The following EARS2 variants were observed in gnomAD, a reference collection of about 807,000 sequenced individuals.
EARS2 encodes the protein nondiscriminating glutamyl-tRNA synthetase EARS2, mitochondrial.
A neutral mutation model predicts 54.1 loss-of-function variants in EARS2; 50 were observed. That is an observed-to-expected ratio of 0.92 (90% confidence interval 0.74 to 1.17). The LOEUF is 1.17. Ranked by LOEUF, EARS2 falls within the 50% of genes most tolerant of loss-of-function variation. The pLI is 0.00. For synonymous variants in EARS2, 298 were observed against 281.0 expected (o/e 1.06, Z -0.61); for missense variants, 673 against 675.0 (o/e 1.00, Z 0.03).
At chr16:23,535,988 G>A (rs1965411324) in intron 3 of EARS2, among the ~76,000 whole-genome samples, 1 of 152,176 alleles carries the variant, frequency 6.6e-6, no homozygotes, top group African/African-American at 2.4e-5. Context: ...TCATCCTGGA[G>A]TCACCCACCT....
At position 23,521,178 on chromosome 16, in the gene EARS2, C is replaced by T. The variant is rs951104160; in HGVS notation, c.*3193G>A. Among the ~76,000 whole-genome samples, 8 of 152,082 alleles carry T rather than the reference C, an allele frequency of 5.3e-5. No individual in the cohort carries two copies. Among genetic ancestry groups the T allele is most frequent in the South Asian group, 2.1e-4 (1 of 4,808 alleles). On this transcript the variant is annotated 3_prime_UTR_variant, in exon 9 of 9. Coordinates refer to ENST00000449606, the MANE Select transcript of EARS2 (RefSeq NM_001083614.2). ...AGTCATTTTTAAATATACAGTTCAG[C>T]GGCATTACGTATCTTTATAATGTTG...
Position 23,521,662 on chromosome 16 carries a change from A to G in EARS2, c.*2709T>C. On this transcript the variant is annotated 3_prime_UTR_variant, in exon 9 of 9. Transcript: ENST00000449606. ...CAAGCCTACCACCTTTGCCTCACAA[A>G]GCATTAGGACGTATTTGTCCTTTTG... 1 of 445,872 alleles carries G rather than the reference A, an allele frequency of 2.2e-6. No individual in the cohort carries two copies. The highest frequency in any genetic ancestry group is 1.6e-5 in the South Asian group (1 of 63,840). 27.6% of individuals were successfully genotyped at this position (445,872 alleles called of 1,614,324 possible).
In EARS2 at chr16:23,524,271, A is replaced by C; in HGVS notation, c.*100T>G. The C allele has an allele frequency of 1.0e-6, 1 of 997,958 alleles. No homozygotes were observed. Among genetic ancestry groups the C allele is most frequent in the Non-Finnish European group, 1.6e-6 (1 of 629,038 alleles). 61.8% of individuals were successfully genotyped at this position (997,958 alleles called of 1,614,324 possible). On this transcript the variant is annotated 3_prime_UTR_variant, in exon 9 of 9. Coordinates refer to ENST00000449606, the MANE Select transcript of EARS2 (RefSeq NM_001083614.2). ...TGTTTCCACTCTTAGTTCCTTCAGC[A>C]AACTTCCCGACGGGCCCCAGGCCTC... is the stretch of plus-strand genomic sequence containing the variant.
Position 23,521,823 on chromosome 16 carries a change from C to A in EARS2, c.*2548G>T. On this transcript the variant is annotated 3_prime_UTR_variant, in exon 9 of 9. Transcript: ENST00000449606. ...CATGAGCCAAGAAGCTCCTTTTAAC[C>A]ATTCTTAATGTCTTAGAAACAGATG... The A allele has an allele frequency of 2.2e-6, 1 of 455,988 alleles. No individual in the cohort carries two copies. The highest frequency in any genetic ancestry group is 1.5e-5 in the South Asian group (1 of 64,546). The allele number at this position is 455,988 out of a possible 1,614,324, so 28.2% of individuals were successfully genotyped here. A position where few individuals can be genotyped will look rare whatever the true frequency, so the allele number is the denominator to read the frequency against.
chr16:23,557,020 T>G (rs1176208328), intron 1 of EARS2, 185 bp downstream of exon 1: 1 of 916,042 alleles, frequency 1.1e-6, no homozygotes, highest in African/African-American at 1.7e-5. Context: ...AAGAAACTCC[T>G]GGCAATTTGA....
chr16:23,535,409 G>T, intron 3 of EARS2, 49 bp from the exon 4 acceptor site: 1 of 1,537,166 alleles, frequency 6.5e-7, no homozygotes, highest in South Asian at 1.2e-5. Flanking sequence ...AAGGTTGATG[G>T]ACAGGAGTCC....
intron 1 of EARS2, chr16:23,552,942 C>A (rs533607441): frequency 1.0e-4 from 25 of 240,672 alleles, no homozygotes; most frequent in African/African-American, 5.2e-4. Flanking sequence ...TGAGATCTGC[C>A]TGGGCAACAT....
At chr16:23,536,210 A>G (rs1965415057) in intron 3 of EARS2, among the ~76,000 whole-genome samples, 1 of 152,170 alleles carries the variant, frequency 6.6e-6, no homozygotes, top group South Asian at 2.1e-4. Flanking sequence ...TGTCCCTTCT[A>G]ACAGGGTATT....
intron 7 of EARS2, among the ~76,000 whole-genome samples, chr16:23,527,247 C>T (rs927481573): frequency 6.6e-6 from 1 of 152,142 alleles, no homozygotes; most frequent in Non-Finnish European, 1.5e-5. Context: ...ATTACAGGTA[C>T]AAGCCACAGT....
chr16:23,531,589 G>A (rs951712218), intron 5 of EARS2, among the ~76,000 whole-genome samples: 1 of 152,126 alleles, frequency 6.6e-6, no homozygotes, highest in Non-Finnish European at 1.5e-5. Context: ...ACCTCTCTAT[G>A]TCCTGGGTTC....
chr16:23,539,791 T>A (rs1965483209), intron 3 of EARS2, among the ~76,000 whole-genome samples: 1 of 151,850 alleles, frequency 6.6e-6, no homozygotes, highest in Non-Finnish European at 1.5e-5. Flanking sequence ...GGTGGGAAGA[T>A]CGCTTGAGTT....
rs1965188967 is a variant in EARS2 at position 23,524,367 on chromosome 16, C to G, written c.*4G>C. 3 of 1,613,504 alleles carry G rather than the reference C, an allele frequency of 1.9e-6. No individual in the cohort carries two copies. Among genetic ancestry groups the G allele is most frequent in the African/African-American group, 2.7e-5 (2 of 74,918 alleles). On this transcript the variant is annotated 3_prime_UTR_variant, in exon 9 of 9. Coordinates refer to ENST00000449606, the MANE Select transcript of EARS2 (RefSeq NM_001083614.2). The stretch of plus-strand genomic sequence containing the variant: ...CGATCTCCACTGCCCGAAACATCCT[C>G]TCCCTAGCTGGAAACCACCTTCTGG...
At chr16:23,553,539 C>T (rs1291705389) in intron 1 of EARS2, among the ~76,000 whole-genome samples, 1 of 151,858 alleles carries the variant, frequency 6.6e-6, no homozygotes, top group African/African-American at 2.4e-5. Flanking sequence ...CGAGGATCAC[C>T]TGGGTCTCTA....
chr16:23,524,228 T>G lies in EARS2; in HGVS notation c.*143A>C. ...TGCCTGTGGTGGATCACAAATGCAC[T>G]TGTGTGCAGTCAGAGATTGTTTCCA... On this transcript the variant is annotated 3_prime_UTR_variant, in exon 9 of 9. Transcript: ENST00000449606. 1 of 743,114 alleles carries G rather than the reference T, an allele frequency of 1.3e-6. No individual in the cohort carries two copies. The highest frequency in any genetic ancestry group is 2.4e-6 in the Non-Finnish European group (1 of 423,882). The allele number at this position is 743,114 out of a possible 1,614,324, so 46.0% of individuals were successfully genotyped here.
At chr16:23,553,896 CA>C (rs546658609) in intron 1 of EARS2, among the ~76,000 whole-genome samples, 271 of 110,196 alleles carry the variant, frequency 2.5e-3, no homozygotes, top group Middle Eastern at 5.3e-3. Context: ...ACTCCATCTC[CA>C]AAAAAAAAAA....
At chr16:23,537,832 C>T (rs1965448530) in intron 3 of EARS2, among the ~76,000 whole-genome samples, 2 of 147,978 alleles carry the variant, frequency 1.4e-5, no homozygotes, top group African/African-American at 5.1e-5. Context: ...CACTCTGTCA[C>T]CCAGGCTGGA....
chr16:23,554,626 C>G (rs745544704), intron 1 of EARS2, among the ~76,000 whole-genome samples: 1 of 152,188 alleles, frequency 6.6e-6, no homozygotes, highest in Non-Finnish European at 1.5e-5. Flanking sequence ...GTGTAACCTT[C>G]GGATAGTTAC....
At chr16:23,539,696 C>T (rs867123906) in intron 3 of EARS2, among the ~76,000 whole-genome samples, 5 of 124,302 alleles carry the variant, frequency 4.0e-5, no homozygotes, top group East Asian at 2.2e-4. Flanking sequence ...CACAACAGGG[C>T]ATGACTATAA....
intron 3 of EARS2, among the ~76,000 whole-genome samples, chr16:23,542,006 C>T (rs1446870672): frequency 6.6e-6 from 1 of 151,894 alleles, no homozygotes; most frequent in Non-Finnish European, 1.5e-5. Context: ...TTATAGGCAC[C>T]CGCCATCATG....
Sources: gnomAD v4.1 joint callset for allele counts (sites outside exome capture counted in the v4.1 genomes callset) on GRCh38, gnomAD v4.1.1 for gene constraint, MANE v1.5 for transcripts, NCBI Gene and HGNC (gene_info 2026-07-23, HGNC 2026-07-21) for gene names.